The following CACNA2D3 variants were observed in gnomAD, a reference collection of about 807,000 sequenced individuals.
CACNA2D3 encodes calcium voltage-gated channel auxiliary subunit alpha2delta 3, also known as voltage-dependent calcium channel subunit alpha-2/delta-3.
CACNA2D3 carries 60 observed loss-of-function variants against 160.6 expected under a neutral mutation model. The observed-to-expected ratio is 0.37, with a 90% CI of 0.30 to 0.46. The LOEUF (loss-of-function observed/expected upper bound fraction) is 0.46, where lower values mean the gene tolerates loss of function less well. Ranked by LOEUF, CACNA2D3 falls within the 20% of genes least tolerant of loss-of-function variation. The pLI is 1.00. For missense variants in CACNA2D3, 1,205 were observed against 1,365.0 expected (o/e 0.88, Z 1.85); for synonymous variants, 558 against 492.9 (o/e 1.13, Z -1.75).
intron 24 of CACNA2D3, among the ~76,000 whole-genome samples, chr3:54,889,677 G>C (rs995793336): frequency 6.6e-6 from 1 of 152,152 alleles, no homozygotes; most frequent in African/African-American, 2.4e-5. Context: ...CAGGTAGGCT[G>C]TTTAGTATGC....
chr3:54,253,698 A>G (rs6792292), intron 2 of CACNA2D3, among the ~76,000 whole-genome samples: 63,979 of 151,858 alleles, frequency 0.42, 13,584 homozygotes, highest in African/African-American at 0.46. Context: ...GTGTACCCAT[A>G]TGTGCCTTTT....
chr3:54,597,833 C>G (rs1702983133), intron 9 of CACNA2D3, among the ~76,000 whole-genome samples: 1 of 152,100 alleles, frequency 6.6e-6, no homozygotes, highest in African/African-American at 2.4e-5. Flanking sequence ...AATTTAAATT[C>G]TGTTTTGGTG....
intron 3 of CACNA2D3, among the ~76,000 whole-genome samples, chr3:54,337,722 G>T (rs1704417733): frequency 6.6e-6 from 1 of 152,032 alleles, no homozygotes. Context: ...CCGTTAATAA[G>T]CCAGCCAGTC....
At chr3:54,989,539 C>T (rs1038608006) in intron 31 of CACNA2D3, among the ~76,000 whole-genome samples, 15 of 152,184 alleles carry the variant, frequency 9.9e-5, no homozygotes, top group Non-Finnish European at 1.6e-4. Context: ...TGGAGTCAGA[C>T]AGACTGGGGT....
rs67944483 is a variant in CACNA2D3, at chr3:54,631,203, A to AACACACACACACACACACAC, written c.1053+3341_1053+3360dup. On this transcript the variant is annotated intron_variant, in intron 10 of 37. Transcript: ENST00000474759. Reference sequence around the variant, plus strand: ...TGGGTGACAGAGCGAGACTCCATCAAACACACACACACACACACACACACA... The same window carrying AACACACACACACACACACAC: ...TGGGTGACAGAGCGAGACTCCATCAAACACACACACACACACACACACACACACACACACACACACACACA... Among the ~76,000 whole-genome samples, 641 of 145,848 alleles carry AACACACACACACACACACAC rather than the reference A, an allele frequency of 4.4e-3. 7 individuals carry two copies. The highest frequency in any genetic ancestry group is 0.015 in the African/African-American group (586 of 38,780).
chr3:54,430,418 A>G (rs193010578), intron 4 of CACNA2D3, among the ~76,000 whole-genome samples: 146 of 152,342 alleles, frequency 9.6e-4, no homozygotes, highest in African/African-American at 3.4e-3. Flanking sequence ...TGCGGATATT[A>G]TGAAGATTGC....
At chr3:54,885,725 C>T (rs1175351418) in intron 23 of CACNA2D3, 139 bp downstream of exon 23, 2 of 653,106 alleles carry the variant, frequency 3.1e-6, no homozygotes, top group African/African-American at 1.8e-5. Flanking sequence ...AATCAAATAT[C>T]TGCTTCCTGT....
At chr3:54,786,981 G>A (rs1023844545) in intron 13 of CACNA2D3, among the ~76,000 whole-genome samples, 6 of 152,188 alleles carry the variant, frequency 3.9e-5, no homozygotes, top group Admixed American at 2.6e-4. Flanking sequence ...AGATATGGAA[G>A]CCATTGTTAT....
intron 10 of CACNA2D3, chr3:54,638,801 A>C (rs1408168400): frequency 6.6e-6 from 1 of 152,000 alleles, no homozygotes; most frequent in African/African-American, 2.4e-5. Flanking sequence ...TTTTCTGGCT[A>C]TTTGGAACTA....
At chr3:54,853,961 G>A (rs891090530) in intron 17 of CACNA2D3, among the ~76,000 whole-genome samples, 19 of 152,046 alleles carry the variant, frequency 1.2e-4, no homozygotes, top group Non-Finnish European at 4.4e-5. Flanking sequence ...CTGGACCCCC[G>A]CTCTCAGGCT....
intron 4 of CACNA2D3, among the ~76,000 whole-genome samples, chr3:54,466,465 T>A (rs1348198048): frequency 1.3e-5 from 2 of 152,194 alleles, no homozygotes; most frequent in African/African-American, 2.4e-5. Flanking sequence ...TATGCTGATG[T>A]TGTTGCCTTT....
intron 13 of CACNA2D3, among the ~76,000 whole-genome samples, chr3:54,816,436 T>G (rs79376243): frequency 0.019 from 2,965 of 152,100 alleles, 91 homozygotes; most frequent in African/African-American, 0.065. Flanking sequence ...CTCCCTTCCC[T>G]TTCACCCCCT....
chr3:54,817,467 G>T (rs62254513), intron 14 of CACNA2D3, among the ~76,000 whole-genome samples: 1 of 152,172 alleles, frequency 6.6e-6, no homozygotes, highest in African/African-American at 2.4e-5. Flanking sequence ...CCATGTGGTT[G>T]CAGTGATGGC....
intron 2 of CACNA2D3, among the ~76,000 whole-genome samples, chr3:54,154,634 C>G (rs1700210613): frequency 6.6e-6 from 1 of 152,132 alleles, no homozygotes; most frequent in Admixed American, 6.5e-5. Context: ...AGTGTCTCAG[C>G]ACCTCTGCTT....
chr3:54,966,304 G>A (rs1226666042), intron 27 of CACNA2D3, among the ~76,000 whole-genome samples: 1 of 152,138 alleles, frequency 6.6e-6, no homozygotes, highest in East Asian at 1.9e-4. Flanking sequence ...GGCCTGTCAG[G>A]CATTTGGAAG....
intron 13 of CACNA2D3, among the ~76,000 whole-genome samples, chr3:54,804,587 C>T (rs1276820823): frequency 6.6e-6 from 1 of 152,128 alleles, no homozygotes; most frequent in Non-Finnish European, 1.5e-5. Flanking sequence ...CTTAGACTCC[C>T]ACACAATAAT....
chr3:54,324,594 A>G (rs1704081645), intron 3 of CACNA2D3, among the ~76,000 whole-genome samples: 1 of 152,010 alleles, frequency 6.6e-6, no homozygotes, highest in Non-Finnish European at 1.5e-5. Flanking sequence ...GAGGCTAGCT[A>G]TAGGTTATTT....
intron 11 of CACNA2D3, among the ~76,000 whole-genome samples, chr3:54,717,091 A>G (rs1287332456): frequency 1.3e-5 from 2 of 152,056 alleles, no homozygotes; most frequent in Non-Finnish European, 2.9e-5. Context: ...CCAGAACCTT[A>G]TGTAACATAC....
chr3:54,756,221 C>A (rs1403145009), intron 12 of CACNA2D3, among the ~76,000 whole-genome samples: 1 of 152,114 alleles, frequency 6.6e-6, no homozygotes, highest in Non-Finnish European at 1.5e-5. Flanking sequence ...CCCTTCCTAC[C>A]AGAGTCAGCC....
Sources: allele counts gnomAD v4.1 joint callset (sites outside exome capture counted in the v4.1 genomes callset), GRCh38; gene constraint gnomAD v4.1.1; transcripts MANE v1.5; gene names NCBI Gene and HGNC (gene_info 2026-07-23, HGNC 2026-07-21).